The following SDK2 variants were observed in gnomAD, a reference collection of about 807,000 sequenced individuals.
The protein encoded by SDK2 is protein sidekick-2.
A neutral mutation model predicts 253.9 loss-of-function variants in SDK2; 105 were observed. That is an observed-to-expected ratio of 0.41 (90% CI 0.35 to 0.49). The LOEUF (loss-of-function observed/expected upper bound fraction) is 0.49. Ranked by LOEUF, SDK2 falls within the 20% of genes least tolerant of loss-of-function variation. The pLI, the probability that SDK2 is intolerant of heterozygous loss-of-function variation, is 0.06. For missense variants in SDK2, 2,608 were observed against 3,003.0 expected, an observed-to-expected ratio of 0.87 and a Z score of 3.07; for synonymous variants, 1,249 against 1,234.9, an observed-to-expected ratio of 1.01 and a Z score of -0.24.
chr17:73,346,129 C>A (rs926689196), intron 44 of SDK2, among the ~76,000 whole-genome samples: 5 of 151,750 alleles, frequency 3.3e-5, no homozygotes, highest in Admixed American at 1.3e-4. Flanking sequence ...TTGTTTGAAC[C>A]CGGGAGGTGG....
rs2045362475 is a variant in SDK2, at chr17:73,570,035, C to A, written c.65-62438G>T. Among the ~76,000 whole-genome samples the A allele has an allele frequency of 6.6e-6, 1 of 152,124 alleles. No homozygotes were observed. The highest frequency in any genetic ancestry group is 1.5e-5 in the Non-Finnish European group (1 of 68,006). ...AAGGATGAGGAGCAGGACCTCAGCGCTCTAACTCTTTCAGGCTTCGGCTGG... is the reference window on the plus strand; with the variant it reads ...AAGGATGAGGAGCAGGACCTCAGCGATCTAACTCTTTCAGGCTTCGGCTGG... On this transcript the variant is annotated intron_variant, in intron 1 of 44. Transcript: ENST00000392650. The surrounding 1 kb of genome is among the most constrained non-coding windows in gnomAD (Gnocchi z 4.2).
rs754271896 is a variant in SDK2 at position 73,404,091 on chromosome 17, CT to C, written c.2485-1951del. ...TTACATGTGCCTTAAAACAATATCA[CT>C]GGGCCTTACCCACAAAAATGACCCA... On this transcript the variant is annotated intron_variant, in intron 18 of 44. Transcript: ENST00000392650. 4.5e-4 allele frequency among the ~76,000 whole-genome samples: 69 copies of C among 152,250 alleles called. No homozygotes were observed. In the South Asian group the frequency reaches 6.4e-3, roughly 14 times the overall value.
rs758619519 is a variant in SDK2, at chr17:73,435,494, T to C, written c.1151A>G (p.Asn384Ser). 6 of 1,600,966 alleles carry C rather than the reference T, an allele frequency of 3.7e-6. No individual in the cohort carries two copies. Among genetic ancestry groups the C allele is most frequent in the East Asian group, 2.3e-5 (1 of 44,234 alleles). ...DTGMFQCFARNAAGEVQTSTY... is the reference protein window; with the variant it reads ...DTGMFQCFARSAAGEVQTSTY... ...GGAAGTTTGCACCTCGCCGGCTGCA[T>C]TGCGGGCGAAGCACTGGAACATGCC... The change falls in exon 9 of 45, where the codon AAT becomes AGT. Residue 384 changes from asparagine (N) to serine (S), a missense_variant. This residue lies in a region of SDK2 where 1,505 missense variants were observed against 1,859.1 expected (regional missense o/e 0.81). Coordinates refer to ENST00000392650, the MANE Select transcript of SDK2 (RefSeq NM_001144952.2). The surrounding 1 kb of genome is among the most constrained non-coding windows in gnomAD (Gnocchi z 5.7).
chr17:73,368,366 G>A (rs1483210159), intron 37 of SDK2, 41 bp downstream of exon 37: 5 of 1,404,382 alleles, frequency 3.6e-6, no homozygotes, highest in Non-Finnish European at 4.7e-6. Context: ...AACCCCCCGT[G>A]GCCGACCTAC....
chr17:73,411,855 T>G (rs1435234629), intron 18 of SDK2, among the ~76,000 whole-genome samples: 1 of 148,304 alleles, frequency 6.7e-6, no homozygotes, highest in Non-Finnish European at 1.5e-5. Flanking sequence ...CACTGCAACT[T>G]CCGCCTTCCA....
intron 2 of SDK2, among the ~76,000 whole-genome samples, chr17:73,505,597 G>A (rs959711169): frequency 2.9e-5 from 4 of 136,076 alleles, no homozygotes; most frequent in Non-Finnish European, 6.2e-5. Context: ...CCTCATCATC[G>A]TCAATAGCTG....
intron 1 of SDK2, among the ~76,000 whole-genome samples, chr17:73,586,493 T>C (rs1567857665): frequency 6.6e-6 from 1 of 152,124 alleles, no homozygotes; most frequent in Non-Finnish European, 1.5e-5. Context: ...ATAGCGGTCT[T>C]CTTAATCAAA....
chr17:73,353,066 G>A (rs2062552831), intron 40 of SDK2, among the ~76,000 whole-genome samples: 1 of 149,976 alleles, frequency 6.7e-6, no homozygotes, highest in Admixed American at 6.8e-5. Context: ...ATTCTGGCCT[G>A]GGCAGCAGAG....
intron 1 of SDK2, among the ~76,000 whole-genome samples, chr17:73,561,279 C>T (rs539402551): frequency 2.6e-4 from 39 of 152,320 alleles, no homozygotes; most frequent in African/African-American, 8.7e-4. Context: ...ACCCACCCCA[C>T]CTGCGGTCAG....
intron 1 of SDK2, among the ~76,000 whole-genome samples, chr17:73,623,867 C>CCCCCTCCA (rs1182605871): frequency 3.3e-5 from 5 of 152,226 alleles, no homozygotes; most frequent in Admixed American, 2.6e-4. Flanking sequence ...CCTGTGCTTT[C>CCCCCTCCA]CCCCTCCAGA....
chr17:73,475,808 G>A (rs1195136352), intron 2 of SDK2, among the ~76,000 whole-genome samples: 2 of 152,210 alleles, frequency 1.3e-5, no homozygotes, highest in Admixed American at 6.5e-5. Flanking sequence ...CATTGATACA[G>A]GCTACCAAAC....
At chr17:73,638,655 T>C (rs981218398) in intron 1 of SDK2, among the ~76,000 whole-genome samples, 10 of 151,922 alleles carry the variant, frequency 6.6e-5, no homozygotes, top group Non-Finnish European at 1.0e-4. Context: ...GGGAGGTTCA[T>C]GTCTGGGGAG....
chr17:73,434,116 C>A (rs2063349240), intron 9 of SDK2, among the ~76,000 whole-genome samples: 1 of 152,232 alleles, frequency 6.6e-6, no homozygotes, highest in African/African-American at 2.4e-5. Flanking sequence ...GATTCTCAGG[C>A]CTGCATTTGG....
intron 40 of SDK2, among the ~76,000 whole-genome samples, chr17:73,354,077 G>A (rs951278625): frequency 4.6e-5 from 7 of 151,772 alleles, no homozygotes; most frequent in Non-Finnish European, 4.4e-5. Flanking sequence ...GGTCTCGCTC[G>A]GTTGCCAAGG....
At chr17:73,396,043 G>A (rs961259830) in intron 24 of SDK2, among the ~76,000 whole-genome samples, 1 of 151,998 alleles carries the variant, frequency 6.6e-6, no homozygotes, top group Admixed American at 6.6e-5. Flanking sequence ...GACTATAGGC[G>A]TGTGCCACTA....
chr17:73,449,602 CTTTTTTTTTT>C (rs33923010), intron 4 of SDK2, among the ~76,000 whole-genome samples: 13 of 94,342 alleles, frequency 1.4e-4, no homozygotes, highest in African/African-American at 2.8e-4. Context: ...CCCCCCACCT[CTTTTTTTTTT>C]TTTTTTTTTT....
At chr17:73,477,021 A>T in intron 2 of SDK2, among the ~76,000 whole-genome samples, 1 of 152,170 alleles carries the variant, frequency 6.6e-6, no homozygotes, top group East Asian at 1.9e-4. Context: ...TATTTAAAGT[A>T]ACAGTTCCGC....
intron 2 of SDK2, among the ~76,000 whole-genome samples, chr17:73,487,628 A>T (rs1218048889): frequency 6.6e-6 from 1 of 152,200 alleles, no homozygotes; most frequent in African/African-American, 2.4e-5. Context: ...CCTGCTGATC[A>T]GAATCTGCAT....
intron 1 of SDK2, among the ~76,000 whole-genome samples, chr17:73,633,068 A>T (rs904281657): frequency 1.3e-5 from 2 of 152,116 alleles, no homozygotes; most frequent in African/African-American, 4.8e-5. Context: ...GCATCACATG[A>T]GGTAAGGAAT....
Sources: allele counts gnomAD v4.1 joint callset (sites outside exome capture counted in the v4.1 genomes callset), GRCh38; gene constraint gnomAD v4.1.1; regional missense constraint gnomAD v4.1.1; non-coding constraint Gnocchi (gnomAD v3.1); transcripts MANE v1.5; gene names NCBI Gene and HGNC (gene_info 2026-07-23, HGNC 2026-07-21).